The following FBXO32 variants were observed in gnomAD, a reference collection of about 807,000 sequenced individuals.
The protein encoded by FBXO32 is F-box only protein 32.
Under a neutral mutation model 48.3 loss-of-function variants are expected in FBXO32, and 15 were observed. That is an observed-to-expected ratio of 0.31 (90% CI 0.21 to 0.48). The LOEUF (loss-of-function observed/expected upper bound fraction) is 0.48. Ranked by LOEUF, FBXO32 falls within the 20% of genes least tolerant of loss-of-function variation. The pLI, the probability that FBXO32 is intolerant of heterozygous loss-of-function variation, is 0.99. For missense variants in FBXO32, 309 were observed against 432.7 expected (o/e 0.71, Z 2.54); for synonymous variants, 154 against 165.9 (o/e 0.93, Z 0.55).
intron 1 of FBXO32, among the ~76,000 whole-genome samples, chr8:123,535,146 C>A (rs373952332): frequency 1.2e-3 from 185 of 151,972 alleles, no homozygotes; most frequent in African/African-American, 4.0e-3. Flanking sequence ...TTACTTTAAA[C>A]AAAAATGACG....
In FBXO32 at chr8:123,513,580, A is replaced by T. The variant is rs982076376; in HGVS notation, c.467-198T>A. ...GAGGTTAAAGGGTAGAGTTTCCATTATCTAGGTCCCTCTTTGTTCTCTTCT... is the reference window on the plus strand; with the variant it reads ...GAGGTTAAAGGGTAGAGTTTCCATTTTCTAGGTCCCTCTTTGTTCTCTTCT... On this transcript the variant is annotated intron_variant, in intron 5 of 8. Transcript: ENST00000517956. The surrounding 1 kb of genome is among the most constrained non-coding windows in gnomAD (Gnocchi z 4.3). Among the ~76,000 whole-genome samples, 1 of 152,122 alleles carries T rather than the reference A, an allele frequency of 6.6e-6. No homozygotes were observed. The highest frequency in any genetic ancestry group is 2.4e-5 in the African/African-American group (1 of 41,412).
At chr8:123,519,757 T>A (rs1816913742) in intron 4 of FBXO32, among the ~76,000 whole-genome samples, 1 of 152,028 alleles carries the variant, frequency 6.6e-6, no homozygotes, top group South Asian at 2.1e-4. Context: ...TGTATGGAAC[T>A]AGTAGTGAAG....
In FBXO32 at chr8:123,541,136, A is replaced by G. The variant is rs1410432651; in HGVS notation, c.-122T>C. Reference sequence around the variant, plus strand: ...GCGACGGGGGCGGCGGGGCGGCGGGAACGGCGCGGGGCACCCTGCGGGGTG... The same window carrying G: ...GCGACGGGGGCGGCGGGGCGGCGGGGACGGCGCGGGGCACCCTGCGGGGTG... On this transcript the variant is annotated 5_prime_UTR_variant, in exon 1 of 9. Coordinates refer to ENST00000517956, the MANE Select transcript of FBXO32 (RefSeq NM_058229.4). 6.1e-6 allele frequency: 3 copies of G among 493,544 alleles called. No individual in the cohort carries two copies. The highest frequency in any genetic ancestry group is 1.1e-3 in the Middle Eastern group (2 of 1,740). 30.6% of individuals were successfully genotyped at this position (493,544 alleles called of 1,614,324 possible).
At chr8:123,530,928 T>C (rs1246903011) in intron 4 of FBXO32, among the ~76,000 whole-genome samples, 1 of 151,378 alleles carries the variant, frequency 6.6e-6, no homozygotes, top group Non-Finnish European at 1.5e-5. Context: ...TTTTTTTTTT[T>C]TCTCAAAATA....
In FBXO32 at chr8:123,504,950, AAAC is replaced by A. The variant is rs372321127; in HGVS notation, c.835-206_835-204del. Among the ~76,000 whole-genome samples, 1,012 of 148,630 alleles carry A rather than the reference AAAC, an allele frequency of 6.8e-3. 11 individuals are homozygous for A. Among genetic ancestry groups the A allele is most frequent in the African/African-American group, 0.022 (850 of 39,270 alleles). On this transcript the variant is annotated intron_variant, in intron 7 of 8. Transcript: ENST00000517956. ...ACAGTAGCTTTTAACCAAGCTTAAA[AAAC>A]AACAACAACAACAACAAAAAAACCA... is the stretch of plus-strand genomic sequence containing the variant.
chr8:123,513,090 A>G lies in FBXO32; in HGVS notation c.651+108T>C. 1 of 1,218,886 alleles carries G rather than the reference A, an allele frequency of 8.2e-7. No individual in the cohort carries two copies. Among genetic ancestry groups the G allele is most frequent in the Non-Finnish European group, 1.2e-6 (1 of 863,540 alleles). 75.5% of individuals were successfully genotyped at this position (1,218,886 alleles called of 1,614,324 possible). ...ACCAGAACAAAGCAGCAGATCAGAA[A>G]AGACCAGACTCTTCCGTCACAGGAG... On this transcript the variant is annotated intron_variant, in intron 6 of 8. Coordinates refer to ENST00000517956, the MANE Select transcript of FBXO32 (RefSeq NM_058229.4). The surrounding 1 kb of genome is among the most constrained non-coding windows in gnomAD (Gnocchi z 4.3).
At chr8:123,529,981 G>GGAA (rs1471264539) in intron 4 of FBXO32, among the ~76,000 whole-genome samples, 1 of 152,128 alleles carries the variant, frequency 6.6e-6, no homozygotes, top group Non-Finnish European at 1.5e-5. Context: ...TCTTAGCAAT[G>GGAA]GAAGTTTCCA....
chr8:123,541,117 G>C lies in FBXO32; in HGVS notation c.-103C>G, dbSNP rs1300757365. ...GCTCGGGGTGCAGGGGCCCGCGACGGGGGCGGCGGGGCGGCGGGAACGGCG... is the reference window on the plus strand; with the variant it reads ...GCTCGGGGTGCAGGGGCCCGCGACGCGGGCGGCGGGGCGGCGGGAACGGCG... On this transcript the variant is annotated 5_prime_UTR_variant, in exon 1 of 9. Transcript: ENST00000517956. The C allele has an allele frequency of 1.1e-5, 6 of 551,782 alleles. No homozygotes were observed. The highest frequency in any genetic ancestry group is 8.4e-6 in the Non-Finnish European group (3 of 357,236). The allele number at this position is 551,782 out of a possible 1,614,324, so 34.2% of individuals were successfully genotyped here. A position where few individuals can be genotyped will look rare whatever the true frequency, so the allele number is the denominator to read the frequency against.
At chr8:123,535,698 A>C (rs1381463583) in intron 1 of FBXO32, among the ~76,000 whole-genome samples, 5 of 152,198 alleles carry the variant, frequency 3.3e-5, no homozygotes, top group African/African-American at 1.2e-4. Context: ...TAAATCTCTG[A>C]ATAATTTCCA....
At position 123,503,336 on chromosome 8, in the gene FBXO32, AG is replaced by A. The variant is rs749233647; in HGVS notation, c.*36del. 1.9e-6 allele frequency: 3 copies of A among 1,551,262 alleles called. No homozygotes were observed. The highest frequency in any genetic ancestry group is 1.8e-6 in the Non-Finnish European group (2 of 1,123,064). On this transcript the variant is annotated 3_prime_UTR_variant, in exon 9 of 9. Coordinates refer to ENST00000517956, the MANE Select transcript of FBXO32 (RefSeq NM_058229.4). ...CCATATTCCCAGCTCTCCAGTCAGCAGGGGGACCCTTCTGAAGTGTTGTCAT... is the reference window on the plus strand; with the variant it reads ...CCATATTCCCAGCTCTCCAGTCAGCAGGGGACCCTTCTGAAGTGTTGTCAT...
rs934942175 is a variant in FBXO32, at chr8:123,525,763, G to A, written c.372+6135C>T. Among the ~76,000 whole-genome samples, 4 of 152,108 alleles carry A rather than the reference G, an allele frequency of 2.6e-5. No homozygotes were observed. The South Asian group carries it at 6.2e-4, about 24-fold the overall frequency. ...AATGGGTTAACAACATCTGCCTACT[G>A]TACAGCTTGACTGTGCTTATCAAAG... On this transcript the variant is annotated intron_variant, in intron 4 of 8. Transcript: ENST00000517956. The surrounding 1 kb of genome is among the most constrained non-coding windows in gnomAD (Gnocchi z 4.3).
rs1385951245 is a variant in FBXO32, at chr8:123,540,062, C to CACCA, written c.116+836_116+837insTGGT. On this transcript the variant is annotated intron_variant, in intron 1 of 8. Coordinates refer to ENST00000517956, the MANE Select transcript of FBXO32 (RefSeq NM_058229.4). This position sits in a 1 kb window ranked among gnomAD's most constrained non-coding sequence, Gnocchi z 6.4. ...GGAGCGCAGCGGACCTCAGGTTTCC[C>CACCA]GCCAGACCACAGAGCTCAGGTGAGG... Among the ~76,000 whole-genome samples the CACCA allele has an allele frequency of 5.9e-5, 9 of 152,220 alleles. No individual in the cohort carries two copies. The highest frequency in any genetic ancestry group is 1.9e-4 in the African/African-American group (8 of 41,448).
intron 4 of FBXO32, among the ~76,000 whole-genome samples, chr8:123,522,241 AC>A (rs1816971316): frequency 8.1e-6 from 1 of 123,986 alleles, no homozygotes; most frequent in South Asian, 2.4e-4. Flanking sequence ...ATGGAGTCTC[AC>A]TCTGCTGCCC....
intron 6 of FBXO32, among the ~76,000 whole-genome samples, chr8:123,510,128 T>C (rs571297405): frequency 1.3e-5 from 2 of 152,346 alleles, no homozygotes; most frequent in South Asian, 4.1e-4. Flanking sequence ...GAAGAAGGCC[T>C]GCACAGAGCC....
chr8:123,513,333 G>T lies in FBXO32; in HGVS notation c.516C>A (p.Thr172=), dbSNP rs762242955. The change falls in exon 6 of 9, where the codon ACC becomes ACA. Residue 172 remains threonine, a synonymous_variant. Transcript: ENST00000517956. The surrounding 1 kb of genome is among the most constrained non-coding windows in gnomAD (Gnocchi z 4.3). The part of the protein sequence containing the change: ...NIRLIRELLQ[T]LYTSLCTLVQ... ...CCAGTGTACATAAGGATGTGTAGAG[G>T]GTCTGGAGTAGTTCCCTTATTAGTC... The T allele has an allele frequency of 1.2e-6, 2 of 1,614,012 alleles. No homozygotes were observed. The highest frequency in any genetic ancestry group is 4.5e-5 in the East Asian group (2 of 44,898).
At chr8:123,527,172 G>GA (rs1289120353) in intron 4 of FBXO32, 5 of 152,192 alleles carry the variant, frequency 3.3e-5, no homozygotes, top group African/African-American at 7.2e-5. Flanking sequence ...CTGAGGGCTA[G>GA]AAGTTTGCTG....
rs1816636499 is a variant in FBXO32, at chr8:123,506,891, G to A, written c.652-317C>T. 6.6e-6 allele frequency among the ~76,000 whole-genome samples: 1 copy of A among 152,130 alleles called. No homozygotes were observed. The highest frequency in any genetic ancestry group is 1.5e-5 in the Non-Finnish European group (1 of 68,042). Reference sequence around the variant, plus strand: ...CTCAGTTCACACAATTACAAGGTTCGCTGCTTTCCTGAAGGCCTCACTGCC... The same window carrying A: ...CTCAGTTCACACAATTACAAGGTTCACTGCTTTCCTGAAGGCCTCACTGCC... On this transcript the variant is annotated intron_variant, in intron 6 of 8. Coordinates refer to ENST00000517956, the MANE Select transcript of FBXO32 (RefSeq NM_058229.4). This position sits in a 1 kb window ranked among gnomAD's most constrained non-coding sequence, Gnocchi z 4.0.
At chr8:123,516,975 A>C (rs186700262) in intron 4 of FBXO32, among the ~76,000 whole-genome samples, 2 of 152,260 alleles carry the variant, frequency 1.3e-5, no homozygotes, top group East Asian at 3.9e-4. Flanking sequence ...GAGGAGTGAA[A>C]ATGGCACAAA....
chr8:123,522,234 G>T (rs1816970879), intron 4 of FBXO32, among the ~76,000 whole-genome samples: 1 of 141,052 alleles, frequency 7.1e-6, no homozygotes, highest in Non-Finnish European at 1.5e-5. Flanking sequence ...TTTTGAGATG[G>T]AGTCTCACTC....
Sources: allele counts gnomAD v4.1 joint callset (sites outside exome capture counted in the v4.1 genomes callset), GRCh38; gene constraint gnomAD v4.1.1; non-coding constraint Gnocchi (gnomAD v3.1); transcripts MANE v1.5; gene names NCBI Gene and HGNC (gene_info 2026-07-23, HGNC 2026-07-21).